KIAA1217: variants seen among roughly 807,000 people sequenced by gnomAD.
KIAA1217 encodes sickle tail protein homolog.
In KIAA1217, 88 loss-of-function variants were observed where a neutral mutation model predicts 163.9. The observed-to-expected ratio is 0.54, with a 90% confidence interval of 0.45 to 0.64. The LOEUF (loss-of-function observed/expected upper bound fraction) is 0.64, where lower values mean the gene tolerates loss of function less well. KIAA1217 is among the 30% of genes least tolerant of loss of function. The probability of loss-of-function intolerance (pLI) is 0.00; values close to 1 mark genes in which losing one functional copy is unlikely to be tolerated. For missense variants in KIAA1217, 2,372 were observed against 2,475.0 expected, an observed-to-expected ratio of 0.96 and a Z score of 0.88; for synonymous variants, 903 against 923.1, an observed-to-expected ratio of 0.98 and a Z score of 0.39.
intron 9 of KIAA1217, among the ~76,000 whole-genome samples, chr10:24,511,151 T>TAAAAAAAAAA (rs1248595550): frequency 1.1e-3 from 2 of 1,824 alleles, no homozygotes; most frequent in African/African-American, 2.7e-3. Context: ...AGACTCTGTC[T>TAAAAAAAAAA]CAAAAAAAAA....
At chr10:23,820,668 G>GC (rs1564450313) in intron 1 of KIAA1217, among the ~76,000 whole-genome samples, 2 of 152,180 alleles carry the variant, frequency 1.3e-5, no homozygotes, top group African/African-American at 4.8e-5. Flanking sequence ...TCAGGCTGTG[G>GC]ATGATCAGCA....
At position 23,788,690 on chromosome 10, in the gene KIAA1217, G is replaced by A. The variant is rs142610316; in HGVS notation, c.-321+93456G>A. ...ACATATGCACATTTTGGAGACAGCA[G>A]CTTCCTGACTGTACTCATTTACATG... On this transcript the variant is annotated intron_variant, in intron 1 of 18. Coordinates refer to the KIAA1217 transcript ENST00000376462. Among the ~76,000 whole-genome samples, 644 of 152,308 alleles carry A rather than the reference G, an allele frequency of 4.2e-3. 10 individuals carry two copies. The highest frequency in any genetic ancestry group is 5.0e-3 in the Admixed American group (76 of 15,290).
chr10:23,742,305 AGT>A (rs1361110532), intron 1 of KIAA1217, among the ~76,000 whole-genome samples: 3 of 152,160 alleles, frequency 2.0e-5, no homozygotes, highest in Non-Finnish European at 4.4e-5. Flanking sequence ...ACGCTAGAAG[AGT>A]GTGACATCTT....
intron 2 of KIAA1217, among the ~76,000 whole-genome samples, chr10:24,166,020 C>T (rs1730903533): frequency 6.6e-6 from 1 of 152,300 alleles, no homozygotes; most frequent in Middle Eastern, 3.4e-3. Context: ...TCCTCCCCAC[C>T]TCCAATTTTT....
intron 1 of KIAA1217, among the ~76,000 whole-genome samples, chr10:23,798,376 T>C (rs993946878): frequency 9.2e-5 from 14 of 152,198 alleles, no homozygotes; most frequent in Non-Finnish European, 2.9e-5. Context: ...GGACCATGTA[T>C]AGGTGTCACA....
intron 2 of KIAA1217, among the ~76,000 whole-genome samples, chr10:24,143,120 C>A (rs939423968): frequency 6.6e-6 from 1 of 152,042 alleles, no homozygotes; most frequent in African/African-American, 2.4e-5. Flanking sequence ...GTGAAATAGA[C>A]AAAAGAGGAG....
At chr10:24,384,046 C>G (rs1237117364) in intron 3 of KIAA1217, among the ~76,000 whole-genome samples, 1 of 152,180 alleles carries the variant, frequency 6.6e-6, no homozygotes, top group East Asian at 1.9e-4. Context: ...AGCAGGGTGT[C>G]TACCAGCACC....
At chr10:24,231,834 T>C (rs549033457) in intron 2 of KIAA1217, among the ~76,000 whole-genome samples, 1 of 151,344 alleles carries the variant, frequency 6.6e-6, no homozygotes, top group Non-Finnish European at 1.5e-5. Context: ...AGTCCGGCTC[T>C]CTCACCCAGG....
intron 2 of KIAA1217, among the ~76,000 whole-genome samples, chr10:24,029,745 A>G (rs544534796): frequency 8.3e-4 from 126 of 152,324 alleles, no homozygotes; most frequent in African/African-American, 2.9e-3. Context: ...TTATGAGACC[A>G]TTTGATCTCT....
At chr10:23,809,458 TAAAA>T (rs1415813776) in intron 1 of KIAA1217, among the ~76,000 whole-genome samples, 11 of 149,530 alleles carry the variant, frequency 7.4e-5, no homozygotes, top group African/African-American at 2.5e-4. Context: ...GCATAGAAAA[TAAAA>T]AGGAATAAGG....
At chr10:24,116,539 T>C (rs1445096364) in intron 2 of KIAA1217, among the ~76,000 whole-genome samples, 11 of 152,164 alleles carry the variant, frequency 7.2e-5, no homozygotes, top group Admixed American at 7.2e-4. Flanking sequence ...AATTTTTATG[T>C]GTTCCAATAA....
chr10:24,169,283 G>A (rs773527161), intron 2 of KIAA1217, among the ~76,000 whole-genome samples: 2 of 152,154 alleles, frequency 1.3e-5, no homozygotes. Flanking sequence ...AGGCCTCAAT[G>A]GTTTGGCCCA....
intron 1 of KIAA1217, among the ~76,000 whole-genome samples, chr10:24,210,135 G>A (rs1475257653): frequency 2.0e-5 from 3 of 151,538 alleles, no homozygotes; most frequent in African/African-American, 2.4e-5. Flanking sequence ...AAAGACGTGC[G>A]GGAGTGCAGT....
chr10:24,366,317 C>T (rs191131801), intron 2 of KIAA1217, among the ~76,000 whole-genome samples: 17 of 152,040 alleles, frequency 1.1e-4, no homozygotes, highest in African/African-American at 2.9e-4. Flanking sequence ...TGGTGGTGGG[C>T]GCCTGTAATC....
At chr10:23,935,717 A>G (rs1843499288) in intron 1 of KIAA1217, among the ~76,000 whole-genome samples, 1 of 152,256 alleles carries the variant, frequency 6.6e-6, no homozygotes, top group South Asian at 2.1e-4. Context: ...ATAATTAATT[A>G]TATACTATTT....
intron 2 of KIAA1217, among the ~76,000 whole-genome samples, chr10:24,253,595 G>A (rs561262696): frequency 1.3e-5 from 2 of 152,284 alleles, no homozygotes; most frequent in East Asian, 3.9e-4. Context: ...AGCCCAGTGT[G>A]TAGGCATGTG....
intron 2 of KIAA1217, among the ~76,000 whole-genome samples, chr10:24,359,053 CTTT>C (rs60810967): frequency 3.7e-4 from 49 of 132,520 alleles, no homozygotes; most frequent in African/African-American, 1.3e-3. Context: ...TTCTTTCTTT[CTTT>C]TTTCTTTTCT....
chr10:24,177,318 A>G (rs2065955771), intron 2 of KIAA1217, among the ~76,000 whole-genome samples: 1 of 122,198 alleles, frequency 8.2e-6, no homozygotes, highest in East Asian at 2.9e-4. Flanking sequence ...TTTGTCATAT[A>G]TATCACATAT....
intron 1 of KIAA1217, among the ~76,000 whole-genome samples, chr10:23,730,831 A>G (rs1838433454): frequency 6.6e-6 from 1 of 152,170 alleles, no homozygotes; most frequent in Admixed American, 6.5e-5. Context: ...GGACTTTTGT[A>G]TATTAATCTT....
Sources: allele counts gnomAD v4.1 joint callset (sites outside exome capture counted in the v4.1 genomes callset), GRCh38; gene constraint gnomAD v4.1.1; transcripts MANE v1.5; gene names NCBI Gene and HGNC (gene_info 2026-07-23, HGNC 2026-07-21).